The following ADAM12 variants were observed in gnomAD, a reference collection of about 807,000 sequenced individuals.
ADAM12 encodes ADAM metallopeptidase domain 12.
A neutral mutation model predicts 106.4 loss-of-function variants in ADAM12; 70 were observed. That is an observed-to-expected ratio of 0.66 (90% confidence interval 0.54 to 0.80). The LOEUF is 0.80. ADAM12 is among the 30% of genes least tolerant of loss of function. The pLI is 0.00. For synonymous variants in ADAM12, 420 were observed against 433.5 expected (o/e 0.97, Z 0.39); for missense variants, 1,010 against 1,171.9 (o/e 0.86, Z 2.02).
chr10:126,309,446 A>T (rs1029682444), intron 2 of ADAM12, among the ~76,000 whole-genome samples: 1 of 152,336 alleles, frequency 6.6e-6, no homozygotes, highest in Non-Finnish European at 1.5e-5. Flanking sequence ...AACAGAAAAC[A>T]AATTCCAATG....
intron 1 of ADAM12, among the ~76,000 whole-genome samples, chr10:126,387,119 A>C (rs899378833): frequency 6.6e-6 from 1 of 152,200 alleles, no homozygotes; most frequent in Non-Finnish European, 1.5e-5. Context: ...AGAATCACAG[A>C]ACTTGAGAGC....
Position 126,143,155 on chromosome 10 carries a change from C to T in ADAM12, c.340-7495G>A, listed in dbSNP as rs897695284. Among the ~76,000 whole-genome samples the T allele has an allele frequency of 2.8e-5, 4 of 145,256 alleles. No homozygotes were observed. The East Asian group carries it at 8.3e-4, about 30-fold the overall frequency. On this transcript the variant is annotated intron_variant, in intron 4 of 22. Transcript: ENST00000448723. ...ATATCAGTGTGCATGTGTATATATG[C>T]ACGTGTATATATATGTATGTGTGTA...
intron 1 of ADAM12, among the ~76,000 whole-genome samples, chr10:126,364,146 T>A (rs1036648231): frequency 2.8e-4 from 43 of 152,190 alleles, no homozygotes; most frequent in Non-Finnish European, 4.9e-4. Flanking sequence ...ATACTTTTTT[T>A]TTTAAAAAAA....
intron 3 of ADAM12, among the ~76,000 whole-genome samples, chr10:126,190,982 GTTTTGTCCTTT>G: frequency 8.9e-6 from 1 of 112,268 alleles, no homozygotes; most frequent in Admixed American, 9.6e-5. Context: ...GCCATGAGGA[GTTTTGTCCTTT>G]TTTTTTTTTT....
At chr10:126,083,695 AC>A (rs1292974712) in intron 11 of ADAM12, among the ~76,000 whole-genome samples, 1 of 152,076 alleles carries the variant, frequency 6.6e-6, no homozygotes, top group African/African-American at 2.4e-5. Context: ...GCCTGTTGAG[AC>A]CCTAATGAGC....
intron 4 of ADAM12, among the ~76,000 whole-genome samples, chr10:126,149,499 G>A (rs1362253753): frequency 6.6e-6 from 1 of 152,168 alleles, no homozygotes; most frequent in Non-Finnish European, 1.5e-5. Context: ...TTATTCCTGG[G>A]TGTGTCTGTG....
chr10:126,341,083 C>T (rs1278356104), intron 1 of ADAM12, among the ~76,000 whole-genome samples: 3 of 152,122 alleles, frequency 2.0e-5, no homozygotes, highest in Non-Finnish European at 4.4e-5. Flanking sequence ...TGCCCCCAAA[C>T]CTTGTTATTC....
chr10:126,165,194 G>GTC (rs1479058638), intron 3 of ADAM12, among the ~76,000 whole-genome samples: 1 of 151,932 alleles, frequency 6.6e-6, no homozygotes, highest in Non-Finnish European at 1.5e-5. Flanking sequence ...TTGAGACTGA[G>GTC]TCTCTCTCTG....
At position 126,193,861 on chromosome 10, in the gene ADAM12, C is replaced by T. The variant is rs112538760; in HGVS notation, c.261-38556G>A. Among the ~76,000 whole-genome samples the T allele has an allele frequency of 2.7e-3, 400 of 150,576 alleles. 2 individuals carry two copies. Among genetic ancestry groups the T allele is most frequent in the African/African-American group, 8.8e-3 (353 of 40,128 alleles). ...GTAGTGAGCTCATGTCATTGCACTC[C>T]AGCCTGGGCAACCGAGTGAGACTCT... On this transcript the variant is annotated intron_variant, in intron 3 of 22. Coordinates refer to ENST00000448723, the MANE Select transcript of ADAM12 (RefSeq NM_001288973.2).
intron 2 of ADAM12, among the ~76,000 whole-genome samples, chr10:126,309,559 G>C (rs530471772): frequency 6.6e-6 from 1 of 152,158 alleles, no homozygotes; most frequent in South Asian, 2.1e-4. Context: ...TTCATTCCAA[G>C]AAAAAAGGGC....
chr10:126,044,562 AAAG>A (rs1954264635), intron 17 of ADAM12, among the ~76,000 whole-genome samples: 1 of 152,214 alleles, frequency 6.6e-6, no homozygotes, highest in African/African-American at 2.4e-5. Context: ...AATCAATCCT[AAAG>A]GCCTCAGCCC....
chr10:126,352,673 T>A (rs546846932), intron 1 of ADAM12, among the ~76,000 whole-genome samples: 5 of 152,196 alleles, frequency 3.3e-5, no homozygotes, highest in Non-Finnish European at 7.3e-5. Context: ...GTTTCCTGCA[T>A]CTGTCACCTC....
At chr10:126,303,312 G>C (rs540273205) in intron 2 of ADAM12, among the ~76,000 whole-genome samples, 1 of 152,214 alleles carries the variant, frequency 6.6e-6, no homozygotes, top group South Asian at 2.1e-4. Context: ...TCATTGTGCT[G>C]GAAAAGCGCA....
At position 126,152,610 on chromosome 10, in the gene ADAM12, T is replaced by C. The variant is rs555275579; in HGVS notation, c.339+2617A>G. Among the ~76,000 whole-genome samples, 26 of 152,072 alleles carry C rather than the reference T, an allele frequency of 1.7e-4. No homozygotes were observed. The South Asian group carries it at 5.4e-3, about 32-fold the overall frequency. ...TTTTAATTAAGATTTGTCTACAATATCTTTTCCCATTCCTTTTCTTAGTTC... is the reference window on the plus strand; with the variant it reads ...TTTTAATTAAGATTTGTCTACAATACCTTTTCCCATTCCTTTTCTTAGTTC... On this transcript the variant is annotated intron_variant, in intron 4 of 22. Transcript: ENST00000448723.
intron 3 of ADAM12, among the ~76,000 whole-genome samples, chr10:126,207,488 C>G (rs929313708): frequency 3.3e-5 from 5 of 152,204 alleles, no homozygotes; most frequent in Admixed American, 6.5e-5. Context: ...AAAGAGTGCT[C>G]ATGATACATC....
At chr10:126,372,269 T>C (rs1039039369) in intron 1 of ADAM12, among the ~76,000 whole-genome samples, 1 of 152,204 alleles carries the variant, frequency 6.6e-6, no homozygotes, top group Admixed American at 6.5e-5. Flanking sequence ...TGAATGAACA[T>C]ATGAACAGTG....
intron 8 of ADAM12, among the ~76,000 whole-genome samples, chr10:126,103,218 C>A (rs1306954566): frequency 6.6e-6 from 1 of 152,184 alleles, no homozygotes; most frequent in African/African-American, 2.4e-5. Flanking sequence ...AGATTTCATA[C>A]TTAGTAGTAA....
At position 126,132,531 on chromosome 10, in the gene ADAM12, C is replaced by T. The variant is rs543039487; in HGVS notation, c.416+3053G>A. On this transcript the variant is annotated intron_variant, in intron 5 of 22. Coordinates refer to ENST00000448723, the MANE Select transcript of ADAM12 (RefSeq NM_001288973.2). ...CAGGAGTGCTGCATGAACACCCCCCCCCCCTCAACTAGTCCAGTCCCAGAA... is the reference window on the plus strand; with the variant it reads ...CAGGAGTGCTGCATGAACACCCCCCTCCCCTCAACTAGTCCAGTCCCAGAA... 7.1e-5 allele frequency among the ~76,000 whole-genome samples: 10 copies of T among 140,204 alleles called. No homozygotes were observed. The South Asian group carries it at 1.1e-3, about 15-fold the overall frequency. The allele number at this position is 140,204 out of a possible 152,430, so 92.0% of individuals were successfully genotyped here.
At chr10:126,359,566 TCTC>T (rs759633192) in intron 1 of ADAM12, among the ~76,000 whole-genome samples, 1 of 152,178 alleles carries the variant, frequency 6.6e-6, no homozygotes, top group Admixed American at 6.5e-5. Context: ...TCCAAAATGA[TCTC>T]CTCTGACTCC....
Sources: gnomAD v4.1 joint callset for allele counts (sites outside exome capture counted in the v4.1 genomes callset) on GRCh38, gnomAD v4.1.1 for gene constraint, MANE v1.5 for transcripts, NCBI Gene and HGNC (gene_info 2026-07-23, HGNC 2026-07-21) for gene names.